Variants in NGLY1 observed in about 807,000 individuals in gnomAD.
NGLY1 encodes peptide-N(4)-(N-acetyl-beta-glucosaminyl)asparagine amidase.
A neutral mutation model predicts 84.6 loss-of-function variants in NGLY1; 68 were observed. The observed-to-expected ratio is 0.80, with a 90% CI of 0.66 to 0.98. The LOEUF (loss-of-function observed/expected upper bound fraction) is 0.98. Ranked by LOEUF, NGLY1 falls within the 50% of genes least tolerant of loss-of-function variation. NGLY1 has a pLI of 0.00. For synonymous variants in NGLY1, 280 were observed against 275.2 expected, an observed-to-expected ratio of 1.02 and a Z score of -0.17; for missense variants, 779 against 770.2, an observed-to-expected ratio of 1.01 and a Z score of -0.14.
chr3:25,722,627 A>G (rs957134420), intron 10 of NGLY1, among the ~76,000 whole-genome samples: 1 of 152,226 alleles, frequency 6.6e-6, no homozygotes, highest in African/African-American at 2.4e-5. Context: ...GTAGATATGT[A>G]TAGCCAACTG....
intron 2 of NGLY1, among the ~76,000 whole-genome samples, chr3:25,767,291 CAAAAAA>C (rs545173545): frequency 2.2e-5 from 2 of 89,502 alleles, no homozygotes; most frequent in Non-Finnish European, 4.7e-5. Flanking sequence ...GACTCCGTCT[CAAAAAA>C]AAAAAAAAAG....
chr3:25,785,704 T>C (rs1451955914), upstream of NGLY1, among the ~76,000 whole-genome samples: 1 of 151,806 alleles, frequency 6.6e-6, no homozygotes, highest in Non-Finnish European at 1.5e-5. Context: ...ATAGGAAGAT[T>C]GTCTATATAC....
chr3:25,759,911 TAA>T (rs748237273), intron 3 of NGLY1, among the ~76,000 whole-genome samples: 2,965 of 60,704 alleles, frequency 0.049, 102 homozygotes, highest in African/African-American at 0.088. Flanking sequence ...CTTCTTTAGT[TAA>T]AAAAACACAC....
intron 2 of NGLY1, among the ~76,000 whole-genome samples, chr3:25,766,707 T>C (rs1198315791): frequency 1.3e-5 from 2 of 152,116 alleles, no homozygotes; most frequent in African/African-American, 2.4e-5. Context: ...GATCTCATAA[T>C]GTTACTGGAA....
At chr3:25,756,925 T>C (rs564991870) in intron 3 of NGLY1, among the ~76,000 whole-genome samples, 1 of 152,322 alleles carries the variant, frequency 6.6e-6, no homozygotes, top group Admixed American at 6.5e-5. Flanking sequence ...CTTATACACA[T>C]CTTAAAGTCA....
At chr3:25,739,822 A>T (rs770429408) in intron 4 of NGLY1, 23 bp from the exon 5 acceptor site, 1 of 1,581,228 alleles carries the variant, frequency 6.3e-7, no homozygotes, top group Non-Finnish European at 8.7e-7. Context: ...GGGAGGACCA[A>T]GTAAGAGCTA....
chr3:25,755,065 GACT>G (rs1706969038), intron 3 of NGLY1: 4 of 1,417,294 alleles, frequency 2.8e-6, no homozygotes, highest in Non-Finnish European at 4.0e-6. Flanking sequence ...TCCGAAATGT[GACT>G]ACAATTCTGG....
intron 4 of NGLY1, chr3:25,749,594 C>CG: frequency 6.7e-7 from 1 of 1,489,384 alleles, no homozygotes; most frequent in Non-Finnish European, 9.3e-7. Context: ...GTGTAACTGG[C>CG]GGAAACCCAG....
chr3:25,740,235 G>A (rs1706061844), intron 4 of NGLY1, among the ~76,000 whole-genome samples: 1 of 152,116 alleles, frequency 6.6e-6, no homozygotes, highest in African/African-American at 2.4e-5. Flanking sequence ...AGAAATCACA[G>A]AATTCCAGAC....
chr3:25,749,816 G>C, intron 4 of NGLY1: 2 of 1,242,944 alleles, frequency 1.6e-6, no homozygotes, highest in Non-Finnish European at 2.3e-6. Flanking sequence ...GAACTGCAAA[G>C]CCATCATGGA....
At chr3:25,775,262 T>C (rs1708101422) in intron 2 of NGLY1, among the ~76,000 whole-genome samples, 1 of 152,232 alleles carries the variant, frequency 6.6e-6, no homozygotes, top group South Asian at 2.1e-4. Flanking sequence ...GTCAGTCCAA[T>C]TGGGAGCTGC....
intron 6 of NGLY1, 54 bp from the exon 7 acceptor site, chr3:25,736,203 G>A: frequency 6.3e-7 from 1 of 1,590,616 alleles, no homozygotes; most frequent in Non-Finnish European, 8.6e-7. Flanking sequence ...AAATCAGAAT[G>A]ACTTTCAATA....
At chr3:25,784,567 A>G (rs1213470487), upstream of NGLY1, among the ~76,000 whole-genome samples, 1 of 152,198 alleles carries the variant, frequency 6.6e-6, no homozygotes, top group Non-Finnish European at 1.5e-5. Flanking sequence ...TTCCTTTTCA[A>G]CCTCACGAAG....
At chr3:25,783,588 C>T (rs1327514351), upstream of NGLY1, 10 of 112,134 alleles carry the variant, frequency 8.9e-5, no homozygotes, top group Non-Finnish European at 1.2e-4. The surrounding 1 kb of genome is among the most constrained non-coding windows in gnomAD (Gnocchi z 4.5). Context: ...GCGGGGTCTT[C>T]GGCCGGCAGG....
At chr3:25,736,352 C>A in intron 6 of NGLY1, 1 of 1,551,476 alleles carries the variant, frequency 6.4e-7, no homozygotes, top group Non-Finnish European at 8.7e-7. Context: ...AAATGTTTTT[C>A]CAATCTCCTT....
intron 2 of NGLY1, among the ~76,000 whole-genome samples, chr3:25,775,657 AAAG>A (rs1249577743): frequency 5.9e-5 from 9 of 152,234 alleles, no homozygotes; most frequent in Admixed American, 5.2e-4. Flanking sequence ...TTAAAAAAAT[AAAG>A]AAGAGTGGAA....
chr3:25,719,965 A>G, intron 11 of NGLY1, 49 bp downstream of exon 11: 1 of 1,489,320 alleles, frequency 6.7e-7, no homozygotes. Context: ...ATTAGTCTTC[A>G]GAGTGGTAAA....
intron 4 of NGLY1, chr3:25,749,900 G>A: frequency 3.9e-6 from 3 of 778,844 alleles, no homozygotes; most frequent in Non-Finnish European, 6.5e-6. Context: ...TGAGTAGACA[G>A]CTCATGTGCA....
chr3:25,738,626 T>A (rs1026554702), intron 5 of NGLY1, among the ~76,000 whole-genome samples: 5 of 141,514 alleles, frequency 3.5e-5, no homozygotes, highest in South Asian at 2.2e-4. Flanking sequence ...GGTAATTAAA[T>A]TTTTTTTTTT....
Sources: allele counts gnomAD v4.1 joint callset (sites outside exome capture counted in the v4.1 genomes callset), GRCh38; gene constraint gnomAD v4.1.1; non-coding constraint Gnocchi (gnomAD v3.1); transcripts MANE v1.5; gene names NCBI Gene and HGNC (gene_info 2026-07-23, HGNC 2026-07-21).